ROBO2: variants seen among roughly 807,000 people sequenced by gnomAD.
ROBO2 encodes the protein roundabout homolog 2.
A neutral mutation model predicts 160.8 loss-of-function variants in ROBO2; 53 were observed. That is an observed-to-expected ratio of 0.33 (90% CI 0.26 to 0.41). The LOEUF is 0.41. Ranked by LOEUF, ROBO2 falls within the 10% of genes least tolerant of loss-of-function variation. The probability of loss-of-function intolerance (pLI) is 1.00; values close to 1 mark genes in which losing one functional copy is unlikely to be tolerated. For synonymous variants in ROBO2, 664 were observed against 611.7 expected (o/e 1.09, Z -1.26); for missense variants, 1,577 against 1,722.4 (o/e 0.92, Z 1.49).
intron 1 of ROBO2, among the ~76,000 whole-genome samples, chr3:77,070,454 A>G (rs541607176): frequency 3.9e-5 from 6 of 151,962 alleles, no homozygotes; most frequent in Non-Finnish European, 8.8e-5. Flanking sequence ...GGACATTTTC[A>G]TTGAACTTAG....
At chr3:76,995,806 T>A (rs1204387137) in intron 2 of ROBO2, among the ~76,000 whole-genome samples, 1 of 152,360 alleles carries the variant, frequency 6.6e-6, no homozygotes, top group East Asian at 1.9e-4. Flanking sequence ...TTGTTTGTTT[T>A]TTTCTTGTAA....
At chr3:77,153,299 AT>A (rs1270126072) in intron 2 of ROBO2, among the ~76,000 whole-genome samples, 1 of 151,504 alleles carries the variant, frequency 6.6e-6, no homozygotes, top group Non-Finnish European at 1.5e-5. Context: ...AGATTTTTTT[AT>A]TTTTTCTTGT....
chr3:76,886,543 C>G (rs2073904782), intron 2 of ROBO2, among the ~76,000 whole-genome samples: 1 of 152,072 alleles, frequency 6.6e-6, no homozygotes, highest in Non-Finnish European at 1.5e-5. Flanking sequence ...CTTTGCACTT[C>G]CGGTAGATGC....
chr3:77,394,316 G>A (rs1281452000), intron 2 of ROBO2, among the ~76,000 whole-genome samples: 2 of 152,120 alleles, frequency 1.3e-5, no homozygotes, highest in Admixed American at 1.3e-4. Flanking sequence ...TGGCTTCTGG[G>A]AGGGAGATGC....
rs77462983 is a variant in ROBO2, at chr3:76,007,828, T to C, written c.109+70226T>C. Reference sequence around the variant, plus strand: ...ACTACTCTTAAAAATCCTTTGCTAATGGCCTTCTTGAACTTTATCTTAATG... The same window carrying C: ...ACTACTCTTAAAAATCCTTTGCTAACGGCCTTCTTGAACTTTATCTTAATG... On this transcript the variant is annotated intron_variant, in intron 2 of 26. Coordinates refer to the ROBO2 transcript ENST00000487694. Among the ~76,000 whole-genome samples, 3 of 152,194 alleles carry C rather than the reference T, an allele frequency of 2.0e-5. No homozygotes were observed. The East Asian group carries it at 5.8e-4, about 29-fold the overall frequency.
intron 2 of ROBO2, among the ~76,000 whole-genome samples, chr3:76,470,361 C>A (rs1432004949): frequency 6.6e-6 from 1 of 152,126 alleles, no homozygotes; most frequent in Non-Finnish European, 1.5e-5. Flanking sequence ...CTCTTCTGAT[C>A]AGTTCTTGCT....
intron 9 of ROBO2, among the ~76,000 whole-genome samples, chr3:77,559,216 C>T (rs1034732145): frequency 6.6e-6 from 1 of 152,054 alleles, no homozygotes; most frequent in African/African-American, 2.4e-5. Context: ...CATACTGACA[C>T]TTTTGCAATA....
intron 5 of ROBO2, among the ~76,000 whole-genome samples, chr3:77,522,030 G>A (rs948075113): frequency 6.6e-6 from 1 of 151,218 alleles, no homozygotes; most frequent in Non-Finnish European, 1.5e-5. Flanking sequence ...AAAAATGATA[G>A]CTGGATTATT....
In ROBO2 at chr3:76,272,804, A is replaced by ATGTATTT. The variant is rs1707559437; in HGVS notation, c.109+335202_109+335203insTGTATTT. 4.6e-4 allele frequency among the ~76,000 whole-genome samples: 22 copies of ATGTATTT among 47,472 alleles called. 1 individual carries two copies. Among genetic ancestry groups the ATGTATTT allele is most frequent in the South Asian group, 4.2e-3 (6 of 1,436 alleles). 31.1% of individuals were successfully genotyped at this position (47,472 alleles called of 152,430 possible). On this transcript the variant is annotated intron_variant, in intron 2 of 26. Coordinates refer to the ROBO2 transcript ENST00000487694. Reference sequence around the variant, plus strand: ...AAATATATAAAATATATATATATAAAATATATAATATGTATTTATATATAA... The same window carrying ATGTATTT: ...AAATATATAAAATATATATATATAAATGTATTTATATATAATATGTATTTATATATAA...
chr3:76,721,034 A>G (rs952001518), intron 2 of ROBO2, among the ~76,000 whole-genome samples: 2 of 152,180 alleles, frequency 1.3e-5, no homozygotes, highest in Non-Finnish European at 2.9e-5. Context: ...TAAATTCTTA[A>G]ACAGTTTGAG....
intron 2 of ROBO2, among the ~76,000 whole-genome samples, chr3:77,276,710 T>C (rs1378341805): frequency 1.3e-5 from 2 of 152,196 alleles, no homozygotes; most frequent in Non-Finnish European, 2.9e-5. Context: ...AACTGGAGTC[T>C]GTTCTCACGT....
intron 2 of ROBO2, among the ~76,000 whole-genome samples, chr3:76,132,299 G>A (rs1176976515): frequency 6.8e-6 from 1 of 148,060 alleles, no homozygotes; most frequent in Non-Finnish European, 1.5e-5. Flanking sequence ...TTGCTGCAGT[G>A]TTGCAGAAAC....
chr3:76,542,034 G>A (rs934154894), intron 2 of ROBO2, among the ~76,000 whole-genome samples: 4 of 152,052 alleles, frequency 2.6e-5, no homozygotes, highest in South Asian at 2.1e-4. Context: ...CCACTAAAGT[G>A]CCCACTTAAG....
At chr3:77,167,471 C>G (rs1391166483) in intron 2 of ROBO2, among the ~76,000 whole-genome samples, 1 of 152,138 alleles carries the variant, frequency 6.6e-6, no homozygotes, top group African/African-American at 2.4e-5. Flanking sequence ...TTCACTTTAT[C>G]TGTTGCATCC....
At chr3:77,047,949 AG>A (rs2064852953) in intron 1 of ROBO2, among the ~76,000 whole-genome samples, 1 of 151,956 alleles carries the variant, frequency 6.6e-6, no homozygotes, top group Non-Finnish European at 1.5e-5. Context: ...TGGGAGGCTG[AG>A]GCAGGAGAAT....
chr3:76,430,131 G>A (rs1052063860), intron 2 of ROBO2, among the ~76,000 whole-genome samples: 1 of 152,088 alleles, frequency 6.6e-6, no homozygotes, highest in African/African-American at 2.4e-5. Context: ...TTCCAGAGTT[G>A]CCAGGTAGGC....
At chr3:76,584,739 A>G (rs1364352168) in intron 2 of ROBO2, among the ~76,000 whole-genome samples, 3 of 152,128 alleles carry the variant, frequency 2.0e-5, no homozygotes, top group Non-Finnish European at 2.9e-5. Context: ...CAATTTTACC[A>G]CTGCCATTCA....
In ROBO2 at chr3:76,245,681, G is replaced by A. The variant is rs1705574610; in HGVS notation, c.109+308079G>A. On this transcript the variant is annotated intron_variant, in intron 2 of 26. Coordinates refer to the ROBO2 transcript ENST00000487694. ...TTTTTCTCTAGTCTCAAAGGGCTTG[G>A]GAATTCTTGCTAAGCATTACATCTT... 3.3e-5 allele frequency among the ~76,000 whole-genome samples: 5 copies of A among 151,762 alleles called. 1 individual carries two copies. The highest frequency in any genetic ancestry group is 1.3e-4 in the Admixed American group (2 of 15,222).
chr3:77,252,807 C>CAAAAAAAAAAAA (rs1182786373), intron 2 of ROBO2, among the ~76,000 whole-genome samples: 7 of 32,054 alleles, frequency 2.2e-4, no homozygotes, highest in African/African-American at 8.6e-4. Context: ...GACTCCATCT[C>CAAAAAAAAAAAA]AAAAAAAAAA....
Sources: gnomAD v4.1 joint callset for allele counts (sites outside exome capture counted in the v4.1 genomes callset) on GRCh38, gnomAD v4.1.1 for gene constraint, MANE v1.5 for transcripts, NCBI Gene and HGNC (gene_info 2026-07-23, HGNC 2026-07-21) for gene names.